Variants in DTNB observed in about 807,000 individuals in gnomAD.
The protein encoded by DTNB is DTN-B.
Under a neutral mutation model 90.7 loss-of-function variants are expected in DTNB, and 63 were observed. The observed-to-expected ratio is 0.69, with a 90% CI of 0.57 to 0.86. The LOEUF is 0.86. DTNB is among the 40% of genes least tolerant of loss of function. The pLI is 0.00. For synonymous variants in DTNB, 277 were observed against 286.7 expected (o/e 0.97, Z 0.34); for missense variants, 744 against 807.1 (o/e 0.92, Z 0.95).
At position 25,465,137 on chromosome 2, in the gene DTNB, G is replaced by A. The variant is rs111882056; in HGVS notation, c.1080-9643C>T. 8.1e-3 allele frequency among the ~76,000 whole-genome samples: 1,232 copies of A among 152,288 alleles called. 16 individuals are homozygous for A. The highest frequency in any genetic ancestry group is 0.028 in the African/African-American group (1,163 of 41,560). ...TACCTGTAATCCCAGCACTTTGGGA[G>A]ACCCAGGCAGGTGGATCACCTGAGG... is the stretch of plus-strand genomic sequence containing the variant. On this transcript the variant is annotated intron_variant, in intron 10 of 20. Coordinates refer to ENST00000406818, the MANE Select transcript of DTNB (RefSeq NM_021907.5).
intron 16 of DTNB, among the ~76,000 whole-genome samples, chr2:25,414,038 G>A (rs944732052): frequency 6.6e-6 from 1 of 152,196 alleles, no homozygotes; most frequent in Non-Finnish European, 1.5e-5. Context: ...CAGTGATGAC[G>A]AGCATTTTTT....
At chr2:25,567,810 G>C (rs2059256921) in intron 8 of DTNB, among the ~76,000 whole-genome samples, 1 of 152,228 alleles carries the variant, frequency 6.6e-6, no homozygotes, top group Non-Finnish European at 1.5e-5. Flanking sequence ...GCAGAGATCT[G>C]AATGGAAGGC....
chr2:25,591,611 T>C (rs1379502352), intron 6 of DTNB, among the ~76,000 whole-genome samples: 1 of 152,186 alleles, frequency 6.6e-6, no homozygotes, highest in East Asian at 1.9e-4. Flanking sequence ...CTGAAGAATG[T>C]TAATATATCT....
At chr2:25,671,621 G>C (rs938217445) in intron 1 of DTNB, among the ~76,000 whole-genome samples, 1 of 152,166 alleles carries the variant, frequency 6.6e-6, no homozygotes, top group African/African-American at 2.4e-5. Context: ...AAATTCTCTT[G>C]GTTCTGAGTC....
intron 3 of DTNB, among the ~76,000 whole-genome samples, chr2:25,632,144 A>T (rs1296072714): frequency 1.4e-5 from 2 of 147,158 alleles, no homozygotes; most frequent in African/African-American, 2.5e-5. Context: ...AGTAAGCTGA[A>T]ATCTCAGCCC....
intron 4 of DTNB, among the ~76,000 whole-genome samples, chr2:25,613,960 A>C (rs562936909): frequency 6.6e-6 from 1 of 152,104 alleles, no homozygotes; most frequent in Non-Finnish European, 1.5e-5. Flanking sequence ...TCCGTCTCTA[A>C]ATAAATAAAT....
At chr2:25,538,315 G>C (rs780756094) in intron 8 of DTNB, among the ~76,000 whole-genome samples, 2 of 152,168 alleles carry the variant, frequency 1.3e-5, no homozygotes, top group Non-Finnish European at 2.9e-5. Flanking sequence ...TGAGGTGAGA[G>C]GATCGCTTGA....
Position 25,432,913 on chromosome 2 carries a change from G to A in DTNB, c.1430C>T (p.Thr477Met), listed in dbSNP as rs762459940. The A allele has an allele frequency of 1.4e-5, 22 of 1,609,274 alleles. No homozygotes were observed. The highest frequency in any genetic ancestry group is 1.1e-4 in the African/African-American group (8 of 75,024). ...PTPEKAQQNP[T>M]LLAELRLLRQ... ...CAGCAGCCGCAGCTCTGCCAGCAGCGTGGGGTTCTGCTGTGCCTTCTCAGG... is the reference window on the plus strand; with the variant it reads ...CAGCAGCCGCAGCTCTGCCAGCAGCATGGGGTTCTGCTGTGCCTTCTCAGG... The change falls in exon 14 of 21, where the codon ACG becomes ATG. Residue 477 changes from threonine (T) to methionine (M), a missense_variant. Transcript: ENST00000406818.
chr2:25,559,529 T>C (rs2057925580), intron 8 of DTNB, among the ~76,000 whole-genome samples: 1 of 152,226 alleles, frequency 6.6e-6, no homozygotes, highest in Non-Finnish European at 1.5e-5. Context: ...AAGTTGTCCC[T>C]CCTTCGCGGA....
chr2:25,598,723 G>C (rs1465144179), intron 5 of DTNB: 1 of 152,164 alleles, frequency 6.6e-6, no homozygotes, highest in Non-Finnish European at 1.5e-5. Flanking sequence ...GTCAAAACAG[G>C]TTGAGGATAG....
chr2:25,454,314 T>C (rs1338506109), intron 11 of DTNB, among the ~76,000 whole-genome samples: 1 of 152,062 alleles, frequency 6.6e-6, no homozygotes, highest in Non-Finnish European at 1.5e-5. Flanking sequence ...CAACTGACTA[T>C]TAATTTATTC....
chr2:25,518,148 T>G (rs757483685), intron 9 of DTNB, among the ~76,000 whole-genome samples: 3 of 152,162 alleles, frequency 2.0e-5, no homozygotes, highest in Non-Finnish European at 2.9e-5. Flanking sequence ...ATTACTGAAC[T>G]GTACGCTTAA....
At chr2:25,453,912 C>T (rs1372775292) in intron 11 of DTNB, among the ~76,000 whole-genome samples, 1 of 152,198 alleles carries the variant, frequency 6.6e-6, no homozygotes, top group African/African-American at 2.4e-5. Context: ...CTTTGGGAGG[C>T]TGAGGCCGGC....
At chr2:25,417,218 C>T (rs1313889620) in intron 16 of DTNB, among the ~76,000 whole-genome samples, 1 of 152,150 alleles carries the variant, frequency 6.6e-6, no homozygotes, top group African/African-American at 2.4e-5. Context: ...AGGTCCCTGG[C>T]CATGGAGAAC....
At chr2:25,662,824 T>C (rs2083531451) in intron 1 of DTNB, among the ~76,000 whole-genome samples, 1 of 152,154 alleles carries the variant, frequency 6.6e-6, no homozygotes, top group Non-Finnish European at 1.5e-5. Flanking sequence ...ACTGGCTATA[T>C]TTTCTTTCTT....
chr2:25,667,486 C>A (rs1239139657), intron 1 of DTNB, among the ~76,000 whole-genome samples: 1 of 151,736 alleles, frequency 6.6e-6, no homozygotes, highest in Non-Finnish European at 1.5e-5. Flanking sequence ...CAGAGCCAGA[C>A]TCCATCTCAA....
chr2:25,621,609 ATTTTTTTTT>A (rs758895953), intron 4 of DTNB, among the ~76,000 whole-genome samples: 1 of 106,002 alleles, frequency 9.4e-6, no homozygotes, highest in South Asian at 2.9e-4. Flanking sequence ...TGCCTGGCTA[ATTTTTTTTT>A]TTTTTTTTTT....
chr2:25,520,031 T>C (rs1558858847), intron 9 of DTNB, among the ~76,000 whole-genome samples: 1 of 152,236 alleles, frequency 6.6e-6, no homozygotes, highest in South Asian at 2.1e-4. Context: ...TAACACCCGA[T>C]AATTGGAGAA....
chr2:25,498,847 C>CAA lies in DTNB; in HGVS notation c.1002-15976_1002-15975dup, dbSNP rs34017287. Among the ~76,000 whole-genome samples the CAA allele has an allele frequency of 6.5e-3, 418 of 64,630 alleles. 14 individuals carry two copies. The highest frequency in any genetic ancestry group is 0.01 in the South Asian group (12 of 1,158). The allele number at this position is 64,630 out of a possible 152,430, so 42.4% of individuals were successfully genotyped here. On this transcript the variant is annotated intron_variant, in intron 9 of 20. Transcript: ENST00000406818. ...TGTGCAACAGAATGAAACCCTGTCT[C>CAA]AAAAAAAAAAAAAAAAAAAAAAGAT...
Sources: allele counts gnomAD v4.1 joint callset (sites outside exome capture counted in the v4.1 genomes callset), GRCh38; gene constraint gnomAD v4.1.1; transcripts MANE v1.5; gene names NCBI Gene and HGNC (gene_info 2026-07-23, HGNC 2026-07-21).